The following REV3L variants were observed in gnomAD, a reference collection of about 807,000 sequenced individuals.
REV3L encodes the protein REV3 like, DNA directed polymerase zeta catalytic subunit.
In REV3L, 69 loss-of-function variants were observed where a neutral mutation model predicts 299.4. That is an observed-to-expected ratio of 0.23 (90% confidence interval 0.19 to 0.28). REV3L has a LOEUF of 0.28. REV3L is among the 10% of genes least tolerant of loss of function. The pLI is 1.00. For missense variants in REV3L, 3,128 were observed against 3,693.8 expected, an observed-to-expected ratio of 0.85 and a Z score of 3.97; for synonymous variants, 1,238 against 1,271.4, an observed-to-expected ratio of 0.97 and a Z score of 0.56.
At chr6:111,468,262 G>A (rs1479945526) in intron 1 of REV3L, among the ~76,000 whole-genome samples, 1 of 151,962 alleles carries the variant, frequency 6.6e-6, no homozygotes, top group Non-Finnish European at 1.5e-5. Context: ...TCATCTAAAT[G>A]TGATTTAAAA....
At chr6:111,352,833 C>A (rs557799048) in intron 18 of REV3L, among the ~76,000 whole-genome samples, 12 of 152,234 alleles carry the variant, frequency 7.9e-5, no homozygotes, top group African/African-American at 2.9e-4. Context: ...CCAGAAGGAG[C>A]CTCTTTGTGG....
intron 1 of REV3L, among the ~76,000 whole-genome samples, chr6:111,421,732 A>G (rs908465168): frequency 6.6e-6 from 1 of 152,172 alleles, no homozygotes; most frequent in African/African-American, 2.4e-5. Context: ...CCAAATCTCA[A>G]ATTCAATCTA....
chr6:111,424,831 T>G (rs1785978741), intron 1 of REV3L, among the ~76,000 whole-genome samples: 1 of 152,148 alleles, frequency 6.6e-6, no homozygotes, highest in Admixed American at 6.5e-5. Flanking sequence ...CAACAGCAAT[T>G]ATTTAATTGC....
chr6:111,411,603 G>T, intron 2 of REV3L, 49 bp from the exon 3 acceptor site: 1 of 1,205,334 alleles, frequency 8.3e-7, no homozygotes. Context: ...ATTCAGAGAT[G>T]AAATAATGCA....
At chr6:111,331,854 A>T (rs1408414554) in intron 23 of REV3L, 70 bp from the exon 24 acceptor site, 2 of 970,310 alleles carry the variant, frequency 2.1e-6, no homozygotes, top group Admixed American at 2.1e-5. Context: ...GCAATTTAAA[A>T]AATCTTTCTA....
intron 4 of REV3L, among the ~76,000 whole-genome samples, chr6:111,393,185 A>AT (rs1297433480): frequency 6.6e-6 from 1 of 151,452 alleles, no homozygotes; most frequent in South Asian, 2.1e-4. Flanking sequence ...AGCGCAGCAA[A>AT]TTTTTTTTGT....
In REV3L at chr6:111,299,033, T is replaced by TATTA. The variant is rs1298627696; in HGVS notation, c.*979_*982dup. The TATTA allele has an allele frequency of 1.3e-5, 2 of 152,374 alleles. No homozygotes were observed. The highest frequency in any genetic ancestry group is 2.1e-4 in the South Asian group (1 of 4,834). 9.4% of individuals were successfully genotyped at this position (152,374 alleles called of 1,614,324 possible). A position where few individuals can be genotyped will look rare whatever the true frequency, so the allele number is the denominator to read the frequency against. Reference sequence around the variant, plus strand: ...TAAAAAAGATGAAGTCACACTGCTATATTATTTTATATTTTATTCAATTTT... The same window carrying TATTA: ...TAAAAAAGATGAAGTCACACTGCTATATTAATTATTTTATATTTTATTCAATTTT... On this transcript the variant is annotated 3_prime_UTR_variant, in exon 32 of 32. Coordinates refer to ENST00000368802, the MANE Select transcript of REV3L (RefSeq NM_001372078.1).
intron 31 of REV3L, among the ~76,000 whole-genome samples, chr6:111,304,675 T>C (rs1210597967): frequency 6.6e-6 from 1 of 151,426 alleles, no homozygotes; most frequent in African/African-American, 2.4e-5. Flanking sequence ...GTATACTGTA[T>C]GATGTTGAGG....
chr6:111,322,143 C>T (rs978224579), intron 26 of REV3L, among the ~76,000 whole-genome samples: 3 of 152,050 alleles, frequency 2.0e-5, no homozygotes, highest in African/African-American at 7.2e-5. Flanking sequence ...ATTCTGGGGC[C>T]GAGTGGTAAG....
intron 1 of REV3L, chr6:111,430,698 A>C (rs2128298460): frequency 6.5e-7 from 1 of 1,540,674 alleles, no homozygotes; most frequent in Non-Finnish European, 9.0e-7. Flanking sequence ...AGTCCCAGCA[A>C]AGAAAATAAA....
At chr6:111,364,893 TA>T (rs772713054) in intron 15 of REV3L, among the ~76,000 whole-genome samples, 3 of 151,934 alleles carry the variant, frequency 2.0e-5, no homozygotes, top group Admixed American at 6.6e-5. Flanking sequence ...TAGAAAAAAG[TA>T]ATAAACCAAG....
At chr6:111,483,245 AG>A, upstream of REV3L, 3 of 319,160 alleles carry the variant, frequency 9.4e-6, no homozygotes, top group East Asian at 6.0e-5. Context: ...GGGAGGGGAG[AG>A]GGGGGTGTGT....
Position 111,381,257 on chromosome 6 carries a change from T to A in REV3L, c.1216+68A>T, listed in dbSNP as rs866297192. On this transcript the variant is annotated intron_variant, in intron 10 of 31. Coordinates refer to ENST00000368802, the MANE Select transcript of REV3L (RefSeq NM_001372078.1). ...CTCTTCAAGTCAATAAAAAAAAAAATGCCTCTTCACAACACACATTTTCTC... is the reference window on the plus strand; with the variant it reads ...CTCTTCAAGTCAATAAAAAAAAAAAAGCCTCTTCACAACACACATTTTCTC... 10 of 1,492,168 alleles carry A rather than the reference T, an allele frequency of 6.7e-6. 1 individual carries two copies. In the South Asian group the frequency reaches 8.6e-5, roughly 13 times the overall value. The allele number at this position is 1,492,168 out of a possible 1,614,324, so 92.4% of individuals were successfully genotyped here. A position where few individuals can be genotyped will look rare whatever the true frequency, so the allele number is the denominator to read the frequency against.
chr6:111,466,456 A>C (rs752964767), intron 1 of REV3L, among the ~76,000 whole-genome samples: 70 of 152,356 alleles, frequency 4.6e-4, no homozygotes, highest in Non-Finnish European at 7.5e-4. Context: ...CTGATTATAA[A>C]TGTCCTATCA....
chr6:111,339,624 T>G (rs942619566), intron 21 of REV3L, among the ~76,000 whole-genome samples: 1 of 152,168 alleles, frequency 6.6e-6, no homozygotes, highest in Non-Finnish European at 1.5e-5. Context: ...ACATTTTATC[T>G]TATACAGTTT....
chr6:111,307,492 G>T lies in REV3L; in HGVS notation c.9121C>A (p.His3041Asn), dbSNP rs1371461660. ...GTISQYFTTLHCPVCDDLTQH... is the reference protein window; with the variant it reads ...GTISQYFTTLNCPVCDDLTQH... The stretch of plus-strand genomic sequence containing the variant: ...GTTAGGTCATCACACACAGGACAGT[G>T]TAAGGTAGTAAAATATTGTGAAATA... The change falls in exon 31 of 32, where the codon CAC (histidine) becomes AAC (asparagine). Residue 3041 changes from histidine to asparagine, a missense_variant. Physicochemically the swap from His to Asn is moderately conservative, Grantham distance 68. Transcript: ENST00000368802. 1.9e-6 allele frequency: 3 copies of T among 1,614,084 alleles called. No homozygotes were observed. The highest frequency in any genetic ancestry group is 2.5e-6 in the Non-Finnish European group (3 of 1,180,036).
At chr6:111,467,169 T>C (rs573730645) in intron 1 of REV3L, among the ~76,000 whole-genome samples, 2 of 152,368 alleles carry the variant, frequency 1.3e-5, no homozygotes, top group African/African-American at 4.8e-5. Context: ...TTTAAAATTA[T>C]ATTAAATTAC....
At chr6:111,427,816 A>G (rs1786365532) in intron 1 of REV3L, among the ~76,000 whole-genome samples, 2 of 152,140 alleles carry the variant, frequency 1.3e-5, no homozygotes, top group African/African-American at 4.8e-5. Flanking sequence ...AAACCACCAG[A>G]AATAAAGAGA....
intron 5 of REV3L, among the ~76,000 whole-genome samples, 185 bp from the exon 6 acceptor site, chr6:111,390,365 A>G (rs1004735527): frequency 1.3e-5 from 2 of 152,168 alleles, no homozygotes; most frequent in Non-Finnish European, 2.9e-5. Flanking sequence ...TGAGAAAAAT[A>G]CAAAACATAT....
Sources: gnomAD v4.1 joint callset for allele counts (sites outside exome capture counted in the v4.1 genomes callset) on GRCh38, gnomAD v4.1.1 for gene constraint, MANE v1.5 for transcripts, NCBI Gene and HGNC (gene_info 2026-07-23, HGNC 2026-07-21) for gene names.